KIF6: variants seen among roughly 807,000 people sequenced by gnomAD.
The protein encoded by KIF6 is kinesin-like protein KIF6.
In KIF6, 106 loss-of-function variants were observed where a neutral mutation model predicts 112.7. The ratio of observed to expected loss-of-function variants is 0.94; its 90% confidence interval spans 0.80 to 1.11. KIF6 has a LOEUF of 1.11. Ranked by LOEUF, KIF6 falls within the 50% of genes least tolerant of loss-of-function variation. The pLI, the probability that KIF6 is intolerant of heterozygous loss-of-function variation, is 0.00. For synonymous variants in KIF6, 339 were observed against 339.9 expected (o/e 1.00, Z 0.03); for missense variants, 929 against 964.0 (o/e 0.96, Z 0.48).
At chr6:39,595,562 A>G (rs919184123) in intron 7 of KIF6, among the ~76,000 whole-genome samples, 1 of 152,276 alleles carries the variant, frequency 6.6e-6, no homozygotes, top group African/African-American at 2.4e-5. Flanking sequence ...GCAAATACCC[A>G]TCAAGAGATG....
At chr6:39,346,086 C>CTCTCTCCCTCTCCCT (rs1326236666) in intron 20 of KIF6, among the ~76,000 whole-genome samples, 1 of 26,994 alleles carries the variant, frequency 3.7e-5, no homozygotes, top group Non-Finnish European at 6.4e-5. Context: ...CTCTCTCTCT[C>CTCTCTCCCTCTCCCT]CCCCCCCTCT....
chr6:39,343,471 G>T lies in KIF6; in HGVS notation c.2428+238C>A, dbSNP rs1321459161. The T allele has an allele frequency of 3.4e-6, 5 of 1,473,654 alleles. No individual in the cohort carries two copies. The highest frequency in any genetic ancestry group is 4.5e-6 in the Non-Finnish European group (5 of 1,107,592). The allele number at this position is 1,473,654 out of a possible 1,614,324, so 91.3% of individuals were successfully genotyped here. A position where few individuals can be genotyped will look rare whatever the true frequency, so the allele number is the denominator to read the frequency against. ...ACAGAGAGCAAGCTCTGCCAAGAGG[G>T]ACAGGAGCACCTGGGCCGCCCACCC... is the stretch of plus-strand genomic sequence containing the variant. On this transcript the variant is annotated intron_variant, in intron 22 of 22. Transcript: ENST00000287152. The surrounding 1 kb of genome is among the most constrained non-coding windows in gnomAD (Gnocchi z 4.1).
chr6:39,606,494 C>T (rs1007627706), intron 6 of KIF6, among the ~76,000 whole-genome samples: 4 of 152,080 alleles, frequency 2.6e-5, no homozygotes, highest in African/African-American at 9.7e-5. Context: ...TATCCCTTTC[C>T]TAAAGAGTAG....
chr6:39,492,266 A>G (rs1775522110), intron 13 of KIF6, among the ~76,000 whole-genome samples: 1 of 152,234 alleles, frequency 6.6e-6, no homozygotes, highest in African/African-American at 2.4e-5. Context: ...GTGGAGAAGG[A>G]CTTATCTTGA....
At chr6:39,494,260 T>C (rs1024362399) in intron 13 of KIF6, among the ~76,000 whole-genome samples, 12 of 152,214 alleles carry the variant, frequency 7.9e-5, no homozygotes, top group African/African-American at 2.9e-4. Flanking sequence ...GAGTATAAAA[T>C]TTCCCACTCA....
intron 15 of KIF6, among the ~76,000 whole-genome samples, chr6:39,387,590 G>A (rs1362003836): frequency 6.6e-6 from 1 of 152,074 alleles, no homozygotes; most frequent in African/African-American, 2.4e-5. Flanking sequence ...GGGGATTTGG[G>A]GAAGTGGAAA....
At chr6:39,420,031 G>A in intron 14 of KIF6, 28 bp from the exon 15 acceptor site, 1 of 1,512,694 alleles carries the variant, frequency 6.6e-7, no homozygotes. Context: ...GAAAATTGTA[G>A]TTTTTCTGTT....
At chr6:39,360,317 C>G (rs904376550) in intron 18 of KIF6, 78 bp downstream of exon 18, 3 of 1,544,184 alleles carry the variant, frequency 1.9e-6, no homozygotes, top group Admixed American at 3.6e-5. Flanking sequence ...TCAAAGCCCC[C>G]ACTGTGTCTC....
chr6:39,591,252 C>A (rs966153655), intron 7 of KIF6, among the ~76,000 whole-genome samples: 1 of 152,122 alleles, frequency 6.6e-6, no homozygotes, highest in African/African-American at 2.4e-5. Context: ...AGAGGCAATT[C>A]CTATGTCCTC....
intron 3 of KIF6, among the ~76,000 whole-genome samples, chr6:39,648,275 C>T (rs535870837): frequency 6.6e-6 from 1 of 151,672 alleles, no homozygotes; most frequent in African/African-American, 2.4e-5. Context: ...CTCCTGACCT[C>T]AGGTGATCCA....
intron 3 of KIF6, among the ~76,000 whole-genome samples, chr6:39,711,096 A>G (rs143752918): frequency 0.017 from 2,628 of 150,590 alleles, 71 homozygotes; most frequent in African/African-American, 0.06. Context: ...AAAAAAAAAG[A>G]AAGAATTTTT....
Position 39,342,699 on chromosome 6 carries a change from AAGG to A in KIF6, c.2428+1007_2428+1009del, listed in dbSNP as rs1763408654. 9.7e-6 allele frequency: 6 copies of A among 620,648 alleles called. No homozygotes were observed. Among genetic ancestry groups the A allele is most frequent in the Non-Finnish European group, 1.2e-5 (6 of 498,642 alleles). 38.4% of individuals were successfully genotyped at this position (620,648 alleles called of 1,614,324 possible). On this transcript the variant is annotated intron_variant, in intron 22 of 22. Coordinates refer to ENST00000287152, the MANE Select transcript of KIF6 (RefSeq NM_145027.6). This position sits in a 1 kb window ranked among gnomAD's most constrained non-coding sequence, Gnocchi z 4.7. ...AGGTGGGGCTGTCTCAGGCTTAAGA[AAGG>A]ACCTGACAGTGTTGCTGAGGCTGCT...
chr6:39,482,640 C>T (rs1774867717), intron 13 of KIF6, among the ~76,000 whole-genome samples: 1 of 152,190 alleles, frequency 6.6e-6, no homozygotes, highest in African/African-American at 2.4e-5. Flanking sequence ...CAGTATTGGG[C>T]TCGTGATGTT....
intron 5 of KIF6, among the ~76,000 whole-genome samples, chr6:39,621,232 C>CACACAT (rs397692143): frequency 5.4e-5 from 5 of 92,270 alleles, no homozygotes; most frequent in Non-Finnish European, 1.1e-4. Flanking sequence ...CACACACACA[C>CACACAT]GTACACATAT....
intron 10 of KIF6, among the ~76,000 whole-genome samples, chr6:39,557,667 T>A (rs1353392871): frequency 4.6e-5 from 7 of 152,064 alleles, no homozygotes; most frequent in Non-Finnish European, 1.0e-4. Flanking sequence ...ATTTTGTATA[T>A]ATTTTTTTTG....
At chr6:39,575,698 C>G (rs755452239) in intron 10 of KIF6, among the ~76,000 whole-genome samples, 1 of 152,206 alleles carries the variant, frequency 6.6e-6, no homozygotes, top group African/African-American at 2.4e-5. Flanking sequence ...ATTCTTAACA[C>G]TGCAGAGGAG....
At chr6:39,456,247 A>C (rs1445928051) in intron 13 of KIF6, among the ~76,000 whole-genome samples, 3 of 62,254 alleles carry the variant, frequency 4.8e-5, no homozygotes, top group Non-Finnish European at 9.1e-5. Context: ...TTTTCAACCC[A>C]GAATTTCATA....
intron 3 of KIF6, among the ~76,000 whole-genome samples, chr6:39,647,305 G>GT (rs980621741): frequency 2.6e-5 from 4 of 152,084 alleles, no homozygotes; most frequent in Non-Finnish European, 4.4e-5. Flanking sequence ...TGAGAGGTCT[G>GT]TTTTTCTGCC....
At chr6:39,553,353 A>G (rs1039660442) in intron 10 of KIF6, among the ~76,000 whole-genome samples, 1 of 152,232 alleles carries the variant, frequency 6.6e-6, no homozygotes, top group Non-Finnish European at 1.5e-5. Flanking sequence ...CACCTCAACA[A>G]AAGCACAGTC....
Sources: gnomAD v4.1 joint callset for allele counts (sites outside exome capture counted in the v4.1 genomes callset) on GRCh38, gnomAD v4.1.1 for gene constraint, Gnocchi (gnomAD v3.1) non-coding constraint, MANE v1.5 for transcripts, NCBI Gene and HGNC (gene_info 2026-07-23, HGNC 2026-07-21) for gene names.